The following LRFN2 variants were observed in gnomAD, a reference collection of about 807,000 sequenced individuals.
LRFN2 encodes leucine rich repeat and fibronectin type III domain containing 2, also known as leucine-rich repeat and fibronectin type-III domain-containing protein 2.
In LRFN2, 18 loss-of-function variants were observed where a neutral mutation model predicts 37.3. That is an observed-to-expected ratio of 0.48 (90% CI 0.33 to 0.72). The LOEUF is 0.72. Ranked by LOEUF, LRFN2 falls within the 30% of genes least tolerant of loss-of-function variation. The pLI is 0.02. For missense variants in LRFN2, 1,006 were observed against 1,060.7 expected (o/e 0.95, Z 0.72); for synonymous variants, 556 against 466.6 (o/e 1.19, Z -2.47).
intron 1 of LRFN2, among the ~76,000 whole-genome samples, chr6:40,550,130 G>A (rs1008708184): frequency 1.3e-5 from 2 of 152,200 alleles, no homozygotes; most frequent in African/African-American, 4.8e-5. Context: ...CTGCGGCACA[G>A]CCAGTAAGCA....
rs377167526 is a variant in LRFN2, at chr6:40,392,088, T to C, written c.2225A>G (p.Tyr742Cys). 125 of 1,613,838 alleles carry C rather than the reference T, an allele frequency of 7.7e-5. No individual in the cohort carries two copies. The East Asian group carries it at 1.8e-3, about 23-fold the overall frequency. Residue 742 changes from tyrosine to cysteine, a missense_variant, in exon 3 of 3, where the codon TAC becomes TGC. By Grantham distance (194) the Tyr-to-Cys change is radical. This residue lies in a region of LRFN2 where 398 missense variants were observed against 327.6 expected (regional missense o/e 1.21). Coordinates refer to ENST00000338305, the MANE Select transcript of LRFN2 (RefSeq NM_020737.3). This position sits in a 1 kb window ranked among gnomAD's most constrained non-coding sequence, Gnocchi z 4.7. The part of the protein sequence containing the change: ...AAAGGVVPGG[Y>C]SPPRKVSNIW... Reference sequence around the variant, plus strand: ...GTTCGAGACCTTCCGAGGAGGACTGTAGCCGCCCGGCACGACCCCTCCCGC... The same window carrying C: ...GTTCGAGACCTTCCGAGGAGGACTGCAGCCGCCCGGCACGACCCCTCCCGC...
rs547001495 is a variant in LRFN2 at position 40,532,256 on chromosome 6, C to T, written c.-19+54685G>A. ...GTGGCAGTCTAGTCCTACTTGGGGTCATCATATCCCAGAGATGGCTAGAAT... is the reference window on the plus strand; with the variant it reads ...GTGGCAGTCTAGTCCTACTTGGGGTTATCATATCCCAGAGATGGCTAGAAT... On this transcript the variant is annotated intron_variant, in intron 1 of 2. Transcript: ENST00000338305. Among the ~76,000 whole-genome samples, 144 of 152,320 alleles carry T rather than the reference C, an allele frequency of 9.5e-4. 1 individual carries two copies. The highest frequency in any genetic ancestry group is 1.8e-3 in the Non-Finnish European group (124 of 68,034).
At chr6:40,573,711 C>T (rs1390914991) in intron 1 of LRFN2, among the ~76,000 whole-genome samples, 2 of 152,196 alleles carry the variant, frequency 1.3e-5, no homozygotes, top group Non-Finnish European at 2.9e-5. Context: ...GGCACAGTGG[C>T]TCACGCCTGT....
chr6:40,478,145 T>A (rs996076916), intron 1 of LRFN2, among the ~76,000 whole-genome samples: 3 of 152,250 alleles, frequency 2.0e-5, no homozygotes, highest in African/African-American at 7.2e-5. Flanking sequence ...CCTCTTCCTC[T>A]CAGATGGAAT....
At chr6:40,436,832 C>T (rs2113830325) in intron 1 of LRFN2, among the ~76,000 whole-genome samples, 1 of 152,324 alleles carries the variant, frequency 6.6e-6, no homozygotes, top group South Asian at 2.1e-4. Context: ...AGCTACACCT[C>T]CCTGTGACTC....
chr6:40,458,487 A>G (rs995469129), intron 1 of LRFN2, among the ~76,000 whole-genome samples: 8 of 152,186 alleles, frequency 5.3e-5, no homozygotes, highest in East Asian at 1.9e-4. Context: ...GTTGGTTTCT[A>G]TATCCTGGCT....
At chr6:40,566,910 A>T (rs991442930) in intron 1 of LRFN2, among the ~76,000 whole-genome samples, 2 of 152,160 alleles carry the variant, frequency 1.3e-5, no homozygotes, top group African/African-American at 4.8e-5. Flanking sequence ...AGAAATCCCT[A>T]ACATTTATAT....
intron 1 of LRFN2, among the ~76,000 whole-genome samples, chr6:40,579,703 T>G (rs1324143210): frequency 6.6e-6 from 1 of 151,530 alleles, no homozygotes; most frequent in Non-Finnish European, 1.5e-5. Flanking sequence ...CCCAACATAA[T>G]CAAGTCCTGG....
At position 40,391,703 on chromosome 6, in the gene LRFN2, A is replaced by C. The variant is rs1169165806; in HGVS notation, c.*240T>G. On this transcript the variant is annotated 3_prime_UTR_variant, in exon 3 of 3. Transcript: ENST00000338305. ...TAGAAAGGCGGAGTCTCGCCTTTCC[A>C]AACACTCAGGGCTCAGTCCGGCATT... is the stretch of plus-strand genomic sequence containing the variant. 1 of 401,980 alleles carries C rather than the reference A, an allele frequency of 2.5e-6. No individual in the cohort carries two copies. The highest frequency in any genetic ancestry group is 2.1e-5 in the African/African-American group (1 of 48,368). The allele number at this position is 401,980 out of a possible 1,614,324, so 24.9% of individuals were successfully genotyped here. A position where few individuals can be genotyped will look rare whatever the true frequency, so the allele number is the denominator to read the frequency against.
chr6:40,538,932 T>C (rs962964472), intron 1 of LRFN2, among the ~76,000 whole-genome samples: 3 of 152,228 alleles, frequency 2.0e-5, no homozygotes, highest in South Asian at 4.1e-4. Context: ...AGTGTTGTGG[T>C]ACCCTCTTGA....
At chr6:40,564,493 T>TG (rs541628252) in intron 1 of LRFN2, among the ~76,000 whole-genome samples, 201 of 152,284 alleles carry the variant, frequency 1.3e-3, no homozygotes, top group African/African-American at 4.6e-3. Flanking sequence ...GCTCCCCCAG[T>TG]GGGATCAAGG....
chr6:40,477,521 T>C (rs1174786721), intron 1 of LRFN2, among the ~76,000 whole-genome samples: 1 of 152,174 alleles, frequency 6.6e-6, no homozygotes. Context: ...GTTCTTTCAA[T>C]AAAGATTTGT....
intron 2 of LRFN2, among the ~76,000 whole-genome samples, chr6:40,400,251 T>C (rs912532177): frequency 4.0e-5 from 6 of 151,768 alleles, no homozygotes; most frequent in Non-Finnish European, 8.8e-5. Context: ...CTAGAGTCAA[T>C]GCTGAGTAAA....
chr6:40,508,316 T>C (rs1247062954), intron 1 of LRFN2, among the ~76,000 whole-genome samples: 2 of 152,316 alleles, frequency 1.3e-5, no homozygotes, highest in Admixed American at 6.5e-5. Context: ...CCCACTCTGG[T>C]CTCTCTCTGC....
At chr6:40,474,995 C>G (rs1764678888) in intron 1 of LRFN2, among the ~76,000 whole-genome samples, 1 of 152,144 alleles carries the variant, frequency 6.6e-6, no homozygotes, top group South Asian at 2.1e-4. Context: ...CAAGGGTGGT[C>G]CTGAAGAGAC....
In LRFN2 at chr6:40,392,470, G is replaced by C. The variant is rs774361999; in HGVS notation, c.1843C>G (p.Leu615Val). ...GAAGAGGAGTCACTGGCGCGGGCCA[G>C]GCTGGCGGTGAAGTCCAGGAGCTCG... ...RNELLDFTAS[L>V]ARASDSSSSS... Residue 615 changes from leucine to valine, a missense_variant, in exon 3 of 3, where the codon CTG becomes GTG. Leu to Val is a conservative substitution (Grantham distance 32). Transcript: ENST00000338305. The surrounding 1 kb of genome is among the most constrained non-coding windows in gnomAD (Gnocchi z 4.7). 1 of 1,569,876 alleles carries C rather than the reference G, an allele frequency of 6.4e-7. No homozygotes were observed. Among genetic ancestry groups the C allele is most frequent in the Non-Finnish European group, 8.6e-7 (1 of 1,157,902 alleles).
chr6:40,420,102 G>A (rs1209480057), intron 2 of LRFN2, among the ~76,000 whole-genome samples: 3 of 152,160 alleles, frequency 2.0e-5, no homozygotes, highest in East Asian at 1.9e-4. Flanking sequence ...CCCCACAGCC[G>A]CAGAGCACAG....
In LRFN2 at chr6:40,482,337, C is replaced by G. The variant is rs569238829; in HGVS notation, c.-18-49206G>C. ...CAGGTTCTCAAAAGAGGTCCTGGAA[C>G]ACAGATGGATGGACCAGAGTCAGGA... On this transcript the variant is annotated intron_variant, in intron 1 of 2. Transcript: ENST00000338305. Among the ~76,000 whole-genome samples, 222 of 152,278 alleles carry G rather than the reference C, an allele frequency of 1.5e-3. 1 individual carries two copies. Among genetic ancestry groups the G allele is most frequent in the African/African-American group, 4.9e-3 (204 of 41,570 alleles).
At chr6:40,435,071 A>T (rs1355650636) in intron 1 of LRFN2, among the ~76,000 whole-genome samples, 1 of 137,642 alleles carries the variant, frequency 7.3e-6, no homozygotes. Flanking sequence ...AGAGAGAGAG[A>T]GAGAGAGAGA....
Sources: allele counts gnomAD v4.1 joint callset (sites outside exome capture counted in the v4.1 genomes callset), GRCh38; gene constraint gnomAD v4.1.1; regional missense constraint gnomAD v4.1.1; non-coding constraint Gnocchi (gnomAD v3.1); transcripts MANE v1.5; gene names NCBI Gene and HGNC (gene_info 2026-07-23, HGNC 2026-07-21).